Variants in MRPL28 observed in about 807,000 individuals in gnomAD.
MRPL28 encodes mitochondrial ribosomal protein L28, also known as large ribosomal subunit protein bL28m.
Under a neutral mutation model 26.2 loss-of-function variants are expected in MRPL28, and 25 were observed. The observed-to-expected ratio is 0.95, with a 90% confidence interval of 0.69 to 1.33. The LOEUF is 1.33. MRPL28 is among the 40% of genes most tolerant of loss of function. MRPL28 has a pLI of 0.00. For missense variants in MRPL28, 432 were observed against 327.2 expected (o/e 1.32, Z -2.47); for synonymous variants, 227 against 140.1 (o/e 1.62, Z -4.38).
intron 2 of MRPL28, 173 bp downstream of exon 2, chr16:369,758 G>A: frequency 1.1e-6 from 1 of 904,338 alleles, no homozygotes; most frequent in Non-Finnish European, 1.7e-6. Context: ...TATCAGTCCT[G>A]TTTGCCAGAA....
intron 2 of MRPL28, 71 bp from the exon 3 acceptor site, chr16:369,291 G>T: frequency 6.5e-7 from 1 of 1,550,028 alleles, no homozygotes; most frequent in South Asian, 1.2e-5. Flanking sequence ...CCAGGCAACT[G>T]CCCTCACCTC....
At chr16:368,885 C>A (rs1221927383) in intron 3 of MRPL28, 183 bp downstream of exon 3, 2 of 1,002,242 alleles carry the variant, frequency 2.0e-6, no homozygotes, top group Non-Finnish European at 2.8e-6. Context: ...GCGACAGCCT[C>A]TCCTGAAGGC....
rs1447596181 is a variant in MRPL28 at position 367,607 on chromosome 16, T to C, written c.*68A>G. ...GGCCCTCACAGCTCCCCGGGATCTGTGTCCTCAGTGCAAAGGGCCTGGCAG... is the reference window on the plus strand; with the variant it reads ...GGCCCTCACAGCTCCCCGGGATCTGCGTCCTCAGTGCAAAGGGCCTGGCAG... On this transcript the variant is annotated 3_prime_UTR_variant, in exon 6 of 6. Coordinates refer to ENST00000199706, the MANE Select transcript of MRPL28 (RefSeq NM_006428.5). The C allele has an allele frequency of 7.1e-7, 1 of 1,411,332 alleles. No individual in the cohort carries two copies. The highest frequency in any genetic ancestry group is 1.4e-5 in the African/African-American group (1 of 70,406). 87.4% of individuals were successfully genotyped at this position (1,411,332 alleles called of 1,614,324 possible). A position where few individuals can be genotyped will look rare whatever the true frequency, so the allele number is the denominator to read the frequency against.
At position 370,043 on chromosome 16, in the gene MRPL28, C is replaced by T. The variant is rs149440376; in HGVS notation, c.176G>A (p.Arg59Gln). ...KFKINPKNGQ[R>Q]ERVEDVPIPI... ...AATGGGCACGTCCTCCACACGCTCC[C>T]GCTGCCCGTTCTTGGGGTTGATCTT... Residue 59 changes from arginine (R) to glutamine (Q), a missense_variant, in exon 2 of 6, where the codon CGG (arginine) becomes CAG (glutamine). Coordinates refer to ENST00000199706, the MANE Select transcript of MRPL28 (RefSeq NM_006428.5). 3 of 1,613,188 alleles carry T rather than the reference C, an allele frequency of 1.9e-6. No individual in the cohort carries two copies. The highest frequency in any genetic ancestry group is 4.5e-5 in the East Asian group (2 of 44,880).
At chr16:370,367 A>T (rs2054315601) in intron 1 of MRPL28, 132 bp downstream of exon 1, 4 of 1,276,378 alleles carry the variant, frequency 3.1e-6, no homozygotes, top group African/African-American at 1.8e-5. Context: ...CTCACCCGCT[A>T]CCCCGGCCCC....
At position 368,374 on chromosome 16, in the gene MRPL28, A is replaced by C; in HGVS notation, c.617T>G (p.Leu206Arg). Residue 206 changes from leucine to arginine, a missense_variant, in exon 5 of 6, where the codon CTC becomes CGC. Transcript: ENST00000199706. ...IPEEEAEWVG[L>R]TLEEAIEKQR... ...CTTCTCAATGGCCTCCTCCAGCGTG[A>C]GGCCCACCCACTCTGCCTCCTCCTC... 2 of 1,613,746 alleles carry C rather than the reference A, an allele frequency of 1.2e-6. No individual in the cohort carries two copies. The highest frequency in any genetic ancestry group is 2.2e-5 in the South Asian group (2 of 91,088).
In MRPL28 at chr16:369,155, G is replaced by T; in HGVS notation, c.354C>A (p.Ile118=). Residue 118 remains isoleucine, a synonymous_variant, in exon 3 of 6, where the codon ATC becomes ATA. Transcript: ENST00000199706. ...CAGTCACTGTGAACTTCTTGTCCAG[G>T]ATCTCACTGTAGAACTCTCGCTCAA... ...QLFEREFYSE[I]LDKKFTVTVT... is the part of the protein sequence containing the mutation. 1 of 1,614,064 alleles carries T rather than the reference G, an allele frequency of 6.2e-7. No homozygotes were observed. The highest frequency in any genetic ancestry group is 8.5e-7 in the Non-Finnish European group (1 of 1,179,960).
In MRPL28 at chr16:369,095, A is replaced by C. The variant is rs1441719501; in HGVS notation, c.414T>G (p.Ala138=). Residue 138 remains alanine, a synonymous_variant, in exon 3 of 6, where the codon GCT becomes GCG. Transcript: ENST00000199706. ...TMRTLDLIDE[A]YGLDFYILKT... is the part of the protein sequence containing the mutation. ...TGAGGATGTAAAAGTCGAGCCCATAAGCCTCATCGATGAGGTCCAGGGTCC... is the reference window on the plus strand; with the variant it reads ...TGAGGATGTAAAAGTCGAGCCCATACGCCTCATCGATGAGGTCCAGGGTCC... 3.7e-6 allele frequency: 6 copies of C among 1,613,930 alleles called. 1 individual carries two copies. In the Middle Eastern group the frequency reaches 5.0e-4, roughly 134 times the overall value.
At position 368,308 on chromosome 16, in the gene MRPL28, G is replaced by A. The variant is rs1377549757; in HGVS notation, c.663+20C>T. On this transcript the variant is annotated intron_variant, in intron 5 of 5. Coordinates refer to ENST00000199706, the MANE Select transcript of MRPL28 (RefSeq NM_006428.5). Reference sequence around the variant, plus strand: ...ACCAGGCTCTGGGCAGGCAGCATCGGCTGGTGCTCACACACTCACCTTCTC... The same window carrying A: ...ACCAGGCTCTGGGCAGGCAGCATCGACTGGTGCTCACACACTCACCTTCTC... 6.8e-6 allele frequency: 11 copies of A among 1,612,108 alleles called. No homozygotes were observed. The highest frequency in any genetic ancestry group is 1.1e-5 in the South Asian group (1 of 91,046).
rs1246135215 is a variant in MRPL28 at position 369,565 on chromosome 16, G to A, written c.289-345C>T. ...ACAAGTCTCCCCACAGGCTTCAGCA[G>A]TCCCGCCAGGAAGTCCACCACAAGC... On this transcript the variant is annotated intron_variant, in intron 2 of 5. Transcript: ENST00000199706. The A allele has an allele frequency of 9.8e-6, 7 of 713,020 alleles. No homozygotes were observed. The South Asian group carries it at 1.0e-4, about 11-fold the overall frequency. 44.2% of individuals were successfully genotyped at this position (713,020 alleles called of 1,614,324 possible).
Position 367,653 on chromosome 16 carries a change from C to A in MRPL28, c.*22G>T. ...GGCAGGGAAAGCTGGGCCTGTTGGT[C>A]AGGCATGGAGGAGCTGTGTGGTCAC... On this transcript the variant is annotated 3_prime_UTR_variant, in exon 6 of 6. Transcript: ENST00000199706. 6.2e-7 allele frequency: 1 copy of A among 1,602,786 alleles called. No homozygotes were observed. The highest frequency in any genetic ancestry group is 1.1e-5 in the South Asian group (1 of 90,686).
At chr16:369,617 C>G (rs73490311) in intron 2 of MRPL28, 397 of 672,016 alleles carry the variant, frequency 5.9e-4, no homozygotes, top group African/African-American at 1.4e-3. Flanking sequence ...TCGCCTCCCC[C>G]ACCTGCTCTG....
Position 370,121 on chromosome 16 carries a change from T to C in MRPL28, c.98A>G (p.Glu33Gly). 1 of 1,608,700 alleles carries C rather than the reference T, an allele frequency of 6.2e-7. No individual in the cohort carries two copies. The highest frequency in any genetic ancestry group is 8.5e-7 in the Non-Finnish European group (1 of 1,178,252). ...RLPGHYLRSL[E>G]EERTPTPVHY... ...CACGGGAGTGGGCGTCCGCTCCTCC[T>C]CCAGGGAGCGCAGGTAGTGGCCGGG... Residue 33 changes from glutamate to glycine, a missense_variant, in exon 2 of 6, where the codon GAG becomes GGG. Coordinates refer to ENST00000199706, the MANE Select transcript of MRPL28 (RefSeq NM_006428.5).
intron 5 of MRPL28, 21 bp downstream of exon 5, chr16:368,307 G>A (rs746154564): frequency 4.3e-6 from 7 of 1,611,976 alleles, no homozygotes; most frequent in Non-Finnish European, 3.4e-6. Flanking sequence ...AGGCAGCATC[G>A]GCTGGTGCTC....
At chr16:369,819 G>T in intron 2 of MRPL28, 112 bp downstream of exon 2, 1 of 1,351,328 alleles carries the variant, frequency 7.4e-7, no homozygotes, top group Non-Finnish European at 1.0e-6. Context: ...GTCGCCTCCA[G>T]GCTGTAATCC....
At position 367,517 on chromosome 16, in the gene MRPL28, C is replaced by G. The variant is rs1277246975; in HGVS notation, c.*158G>C. On this transcript the variant is annotated 3_prime_UTR_variant, in exon 6 of 6. Transcript: ENST00000199706. The stretch of plus-strand genomic sequence containing the variant: ...AGGCCTCCTGGGGATCCCTGCCAAG[C>G]TGGCCCCGGGCTGGAAGGTGCATGG... 2 of 754,666 alleles carry G rather than the reference C, an allele frequency of 2.7e-6. No homozygotes were observed. Among genetic ancestry groups the G allele is most frequent in the East Asian group, 5.4e-5 (2 of 37,100 alleles). 46.7% of individuals were successfully genotyped at this position (754,666 alleles called of 1,614,324 possible).
chr16:368,291 C>T, intron 5 of MRPL28, 37 bp downstream of exon 5: 1 of 1,606,524 alleles, frequency 6.2e-7, no homozygotes, highest in Non-Finnish European at 8.5e-7. Context: ...ACACCAGGCT[C>T]TGGGCAGGCA....
In MRPL28 at chr16:368,365, T is replaced by G. The variant is rs749381307; in HGVS notation, c.626A>C (p.Glu209Ala). ...EEAEWVGLTL[E>A]EAIEKQRLLE... is the part of the protein sequence containing the mutation. ...AAGTCTCTGCTTCTCAATGGCCTCC[T>G]CCAGCGTGAGGCCCACCCACTCTGC... The change falls in exon 5 of 6, where the codon GAG (glutamate) becomes GCG (alanine). Residue 209 changes from glutamate (E) to alanine (A), a missense_variant. Physicochemically the swap from Glu to Ala is moderately radical, Grantham distance 107. Transcript: ENST00000199706. 15 of 1,613,594 alleles carry G rather than the reference T, an allele frequency of 9.3e-6. No individual in the cohort carries two copies. The African/African-American group carries it at 2.0e-4, about 22-fold the overall frequency.
rs371832574 is a variant in MRPL28, at chr16:368,489, G to T, written c.576+12C>A. ...AGTCCCCAGGTGTAGGGAGCGGGAC[G>T]GAAACCCTCACCTTGTACTTGTCGT... On this transcript the variant is annotated intron_variant, in intron 4 of 5. Coordinates refer to ENST00000199706, the MANE Select transcript of MRPL28 (RefSeq NM_006428.5). 1 of 1,608,022 alleles carries T rather than the reference G, an allele frequency of 6.2e-7. No homozygotes were observed. The highest frequency in any genetic ancestry group is 8.5e-7 in the Non-Finnish European group (1 of 1,176,386).
Sources: gnomAD v4.1 joint callset for allele counts on GRCh38, gnomAD v4.1.1 for gene constraint, MANE v1.5 for transcripts, NCBI Gene and HGNC (gene_info 2026-07-23, HGNC 2026-07-21) for gene names.